Variants in RCCD1 observed in about 807,000 individuals in gnomAD.
RCCD1 encodes RCC1 domain containing 1.
In RCCD1, 40 loss-of-function variants were observed where a neutral mutation model predicts 37.6. The observed-to-expected ratio is 1.06, with a 90% CI of 0.83 to 1.39. The LOEUF (loss-of-function observed/expected upper bound fraction) is 1.39. Ranked by LOEUF, RCCD1 falls within the 40% of genes most tolerant of loss-of-function variation. The pLI, the probability that RCCD1 is intolerant of heterozygous loss-of-function variation, is 0.00. For missense variants in RCCD1, 577 were observed against 517.3 expected (o/e 1.12, Z -1.12); for synonymous variants, 263 against 230.0 (o/e 1.14, Z -1.30).
In RCCD1 at chr15:90,962,052, C is replaced by T. The variant is rs2037326793; in HGVS notation, c.*283C>T. 1 of 221,144 alleles carries T rather than the reference C, an allele frequency of 4.5e-6. No homozygotes were observed. 13.7% of individuals were successfully genotyped at this position (221,144 alleles called of 1,614,324 possible). A position where few individuals can be genotyped will look rare whatever the true frequency, so the allele number is the denominator to read the frequency against. The stretch of plus-strand genomic sequence containing the variant: ...GGATAGTGGTAGATTCAAAGCTCCA[C>T]CCACCTCATCCCAGGTACATTTGAT... On this transcript the variant is annotated 3_prime_UTR_variant, in exon 8 of 8. Transcript: ENST00000394258.
rs373221197 is a variant in RCCD1 at position 90,960,315 on chromosome 15, T to C, written c.779-13T>C. The C allele has an allele frequency of 2.8e-5, 45 of 1,588,530 alleles. No homozygotes were observed. Among genetic ancestry groups the C allele is most frequent in the East Asian group, 4.5e-5 (2 of 44,464 alleles). ...GCTCAGTTGGTGTTCACATCATTAT[T>C]ATCATTCTGAAGCCACAGAACTGAA... On this transcript the variant is annotated splice_polypyrimidine_tract_variant and intron_variant, in intron 5 of 7. Coordinates refer to ENST00000394258, the MANE Select transcript of RCCD1 (RefSeq NM_001017919.2).
Position 90,956,843 on chromosome 15 carries a change from G to C in RCCD1, c.109G>C (p.Ala37Pro). 1 of 1,294,718 alleles carries C rather than the reference G, an allele frequency of 7.7e-7. No homozygotes were observed. Among genetic ancestry groups the C allele is most frequent in the Non-Finnish European group, 9.8e-7 (1 of 1,021,132 alleles). 80.2% of individuals were successfully genotyped at this position (1,294,718 alleles called of 1,614,324 possible). A position where few individuals can be genotyped will look rare whatever the true frequency, so the allele number is the denominator to read the frequency against. ...RQVHSPSPLR[A>P]GVDICRVSAS... is the part of the protein sequence containing the mutation. ...GGTGCACAGCCCCAGTCCGCTGCGG[G>C]CGGGCGTCGACATCTGCCGCGTGAG... Residue 37 changes from alanine (A) to proline (P), a missense_variant, in exon 2 of 8, where the codon GCG becomes CCG. Physicochemically the swap from Ala to Pro is conservative, Grantham distance 27. Coordinates refer to ENST00000394258, the MANE Select transcript of RCCD1 (RefSeq NM_001017919.2).
intron 4 of RCCD1, chr15:90,959,664 C>T (rs2037274148): frequency 5.6e-6 from 2 of 357,638 alleles, no homozygotes; most frequent in South Asian, 9.1e-5. Flanking sequence ...TATTTGGCAG[C>T]ATAAGAATGG....
chr15:90,959,575 T>C (rs2037272027), intron 4 of RCCD1, among the ~76,000 whole-genome samples: 1 of 152,204 alleles, frequency 6.6e-6, no homozygotes, highest in South Asian at 2.1e-4. Context: ...CATGAACCAA[T>C]GCACCTGGCC....
chr15:90,959,780 G>A (rs2037276230), intron 4 of RCCD1, 120 bp from the exon 5 acceptor site: 2 of 722,016 alleles, frequency 2.8e-6, no homozygotes, highest in Admixed American at 5.1e-5. Context: ...TTGGCCTGGA[G>A]TGCTACCTTG....
rs1379035262 is a variant in RCCD1, at chr15:90,956,857, C to T, written c.123C>T (p.Ile41=). 1.2e-5 allele frequency: 15 copies of T among 1,293,528 alleles called. No individual in the cohort carries two copies. The highest frequency in any genetic ancestry group is 1.5e-5 in the Non-Finnish European group (15 of 1,020,672). The allele number at this position is 1,293,528 out of a possible 1,614,324, so 80.1% of individuals were successfully genotyped here. The part of the protein sequence containing the change: ...SPSPLRAGVD[I]CRVSASWSYT... ...GTCCGCTGCGGGCGGGCGTCGACAT[C>T]TGCCGCGTGAGCGCGAGCTGGAGCT... is the stretch of plus-strand genomic sequence containing the variant. The change falls in exon 2 of 8, where the codon ATC becomes ATT. Residue 41 remains isoleucine (I), a synonymous_variant. Transcript: ENST00000394258.
chr15:90,956,986 T>C, intron 2 of RCCD1, 86 bp downstream of exon 2: 1 of 1,281,150 alleles, frequency 7.8e-7, no homozygotes, highest in Admixed American at 4.1e-5. Context: ...CCAGTTTGTC[T>C]CCCCCGTTCA....
chr15:90,956,876 T>G lies in RCCD1; in HGVS notation c.142T>G (p.Trp48Gly), dbSNP rs1431393895. The G allele has an allele frequency of 1.5e-6, 2 of 1,290,414 alleles. No individual in the cohort carries two copies. Among genetic ancestry groups the G allele is most frequent in the Non-Finnish European group, 2.0e-6 (2 of 1,019,062 alleles). 79.9% of individuals were successfully genotyped at this position (1,290,414 alleles called of 1,614,324 possible). The change falls in exon 2 of 8, where the codon TGG (tryptophan) becomes GGG (glycine). Residue 48 changes from tryptophan to glycine, a missense_variant. Trp to Gly is a radical substitution (Grantham distance 184, BLOSUM62 -2). Transcript: ENST00000394258. ...GVDICRVSAS[W>G]SYTAFVTRGG... ...CGACATCTGCCGCGTGAGCGCGAGC[T>G]GGAGCTACACCGCTTTCGTGACCCG... is the stretch of plus-strand genomic sequence containing the variant.
rs201205047 is a variant in RCCD1 at position 90,957,577 on chromosome 15, T to C, written c.558-27T>C. The stretch of plus-strand genomic sequence containing the variant: ...GGAGCGGGACCCCTTAATGCGACTG[T>C]AGCTGACGACGGTCTCCCTTGCTCA... On this transcript the variant is annotated intron_variant, in intron 3 of 7. Coordinates refer to ENST00000394258, the MANE Select transcript of RCCD1 (RefSeq NM_001017919.2). 5.0e-6 allele frequency: 8 copies of C among 1,613,704 alleles called. No homozygotes were observed. The African/African-American group carries it at 5.3e-5, about 11-fold the overall frequency.
In RCCD1 at chr15:90,960,421, C is replaced by T. The variant is rs771424433; in HGVS notation, c.872C>T (p.Pro291Leu). 45 of 1,613,524 alleles carry T rather than the reference C, an allele frequency of 2.8e-5. No individual in the cohort carries two copies. The highest frequency in any genetic ancestry group is 5.5e-5 in the South Asian group (5 of 91,084). Reference protein sequence around the residue: ...PAPFIAVQPFPALLDLPMGSD... With the variant: ...PAPFIAVQPFLALLDLPMGSD... ...CCCTTCATAGCTGTCCAGCCCTTCC[C>T]GGCATTACTGGATCTCCCCATGGGC... Residue 291 changes from proline to leucine, a missense_variant, in exon 6 of 8, where the codon CCG becomes CTG. Transcript: ENST00000394258.
At chr15:90,961,233 G>T in intron 7 of RCCD1, 179 bp downstream of exon 7, 2 of 626,968 alleles carry the variant, frequency 3.2e-6, no homozygotes, top group Non-Finnish European at 5.6e-6. Context: ...TCAGTCCGAG[G>T]CCAGACAGGG....
rs757183807 is a variant in RCCD1 at position 90,956,887 on chromosome 15, C to G, written c.153C>G (p.Thr51=). ...ICRVSASWSY[T]AFVTRGGRLE... is the part of the protein sequence containing the mutation. Reference sequence around the variant, plus strand: ...GCGTGAGCGCGAGCTGGAGCTACACCGCTTTCGTGACCCGTGAGCACTCCC... The same window carrying G: ...GCGTGAGCGCGAGCTGGAGCTACACGGCTTTCGTGACCCGTGAGCACTCCC... Residue 51 remains threonine (T), a synonymous_variant, in exon 2 of 8, where the codon ACC becomes ACG. Transcript: ENST00000394258. 2.3e-6 allele frequency: 3 copies of G among 1,289,334 alleles called. No homozygotes were observed. Among genetic ancestry groups the G allele is most frequent in the Non-Finnish European group, 2.9e-6 (3 of 1,018,774 alleles). 79.9% of individuals were successfully genotyped at this position (1,289,334 alleles called of 1,614,324 possible). A position where few individuals can be genotyped will look rare whatever the true frequency, so the allele number is the denominator to read the frequency against.
chr15:90,959,977 G>A lies in RCCD1; in HGVS notation c.757G>A (p.Gly253Arg). 1 of 1,613,368 alleles carries A rather than the reference G, an allele frequency of 6.2e-7. No individual in the cohort carries two copies. ...ALPTRNLAED[G>R]ETVAREATEL... is the part of the protein sequence containing the mutation. ...GCCCACCAGGAACCTGGCAGAGGAT[G>A]GAGAGACTGTCGCAAGGGAAGGTGA... is the stretch of plus-strand genomic sequence containing the variant. The change falls in exon 5 of 8, where the codon GGA becomes AGA. Residue 253 changes from glycine (G) to arginine (R), a missense_variant. Coordinates refer to ENST00000394258, the MANE Select transcript of RCCD1 (RefSeq NM_001017919.2).
chr15:90,957,970 C>T (rs570502973), intron 4 of RCCD1, among the ~76,000 whole-genome samples: 2 of 152,224 alleles, frequency 1.3e-5, no homozygotes, highest in Non-Finnish European at 2.9e-5. Context: ...CCCCTCCCCT[C>T]CTCTCCCCAC....
chr15:90,959,531 C>A (rs1317298509), intron 4 of RCCD1, among the ~76,000 whole-genome samples: 1 of 152,216 alleles, frequency 6.6e-6, no homozygotes, highest in African/African-American at 2.4e-5. Context: ...AAGTGATCTA[C>A]CCATCTCAGC....
chr15:90,959,347 A>G (rs1042737107), intron 4 of RCCD1, among the ~76,000 whole-genome samples: 1 of 152,352 alleles, frequency 6.6e-6, no homozygotes, highest in South Asian at 2.1e-4. Context: ...CCAACCAAAA[A>G]GCTCCAGTGT....
At chr15:90,958,520 C>G (rs781427600) in intron 4 of RCCD1, among the ~76,000 whole-genome samples, 1 of 149,680 alleles carries the variant, frequency 6.7e-6, no homozygotes, top group Non-Finnish European at 1.5e-5. Context: ...CCTGGCTACT[C>G]GGGAGGCTGA....
At chr15:90,961,093 G>C in intron 7 of RCCD1, 39 bp downstream of exon 7, 1 of 1,603,582 alleles carries the variant, frequency 6.2e-7, no homozygotes, top group East Asian at 2.2e-5. Flanking sequence ...TGAAACCAAG[G>C]AGAAGAAAGA....
Position 90,957,443 on chromosome 15 carries a change from G to C in RCCD1, c.497G>C (p.Gly166Ala), listed in dbSNP as rs559281817. ...PELRARQLEL[G>A]AEHALLLDAA... ...CTGCGGGCACGCCAGCTGGAGCTGG[G>C]CGCCGAGCACGCGTTGCTGCTGGAC... The change falls in exon 3 of 8, where the codon GGC becomes GCC. Residue 166 changes from glycine (G) to alanine (A), a missense_variant. Gly to Ala is a moderately conservative substitution (Grantham distance 60, BLOSUM62 0). Transcript: ENST00000394258. The C allele has an allele frequency of 3.8e-4, 592 of 1,538,918 alleles. 1 individual carries two copies. Among genetic ancestry groups the C allele is most frequent in the Admixed American group, 5.5e-4 (28 of 50,944 alleles).
Sources: gnomAD v4.1 joint callset for allele counts (sites outside exome capture counted in the v4.1 genomes callset) on GRCh38, gnomAD v4.1.1 for gene constraint, MANE v1.5 for transcripts, NCBI Gene and HGNC (gene_info 2026-07-23, HGNC 2026-07-21) for gene names.